Variants in VAV1 observed in about 807,000 individuals in gnomAD.
VAV1 encodes the protein vav guanine nucleotide exchange factor 1.
Under a neutral mutation model 128.1 loss-of-function variants are expected in VAV1, and 33 were observed. That is an observed-to-expected ratio of 0.26 (90% confidence interval 0.20 to 0.34). The LOEUF (loss-of-function observed/expected upper bound fraction) is 0.34, where lower values mean the gene tolerates loss of function less well. Ranked by LOEUF, VAV1 falls within the 10% of genes least tolerant of loss-of-function variation. The pLI is 1.00. For missense variants in VAV1, 715 were observed against 1,093.7 expected (o/e 0.65, Z 4.88); for synonymous variants, 394 against 409.8 (o/e 0.96, Z 0.47).
intron 1 of VAV1, chr19:6,784,236 A>C: frequency 1.5e-6 from 1 of 654,212 alleles, no homozygotes. Flanking sequence ...CAGACTGGAC[A>C]AAAGAGTAAG....
intron 22 of VAV1, among the ~76,000 whole-genome samples, chr19:6,844,087 T>C (rs1972456426): frequency 1.7e-5 from 2 of 117,596 alleles, no homozygotes; most frequent in African/African-American, 3.7e-5. Context: ...TTTTTTTTTT[T>C]TTTTTTTTTT....
chr19:6,802,047 C>A lies in VAV1; in HGVS notation c.205-18655C>A, dbSNP rs187269960. 4.6e-5 allele frequency among the ~76,000 whole-genome samples: 7 copies of A among 151,944 alleles called. No individual in the cohort carries two copies. In the East Asian group the frequency reaches 1.4e-3, roughly 29 times the overall value. ...AACCGTCCTCATAATGCCTCTCCTA[C>A]GTTTGTTTAAAGGACCATCATTCTC... On this transcript the variant is annotated intron_variant, in intron 1 of 26. Coordinates refer to ENST00000602142, the MANE Select transcript of VAV1 (RefSeq NM_005428.4).
intron 24 of VAV1, among the ~76,000 whole-genome samples, chr19:6,851,907 A>G (rs998012068): frequency 6.6e-6 from 1 of 151,982 alleles, no homozygotes; most frequent in African/African-American, 2.4e-5. Context: ...TTTTTCCTCC[A>G]TACTTTTTAT....
At position 6,850,723 on chromosome 19, in the gene VAV1, G is replaced by T. The variant is rs761409372; in HGVS notation, c.2183G>T (p.Arg728Leu). Residue 728 changes from arginine (R) to leucine (L), a missense_variant, in exon 24 of 27, where the codon CGG becomes CTG. Physicochemically the swap from Arg to Leu is moderately radical, Grantham distance 102. Around this residue, in one of 3 missense-constraint regions of VAV1, gnomAD observed 407 missense variants for 580.6 expected, o/e 0.70. Transcript: ENST00000602142. ...IKIMTAEGLY[R>L]ITEKKAFRGL... ...ATCATGACAGCAGAAGGACTGTACC[G>T]GATCACAGAGAAAAAGGCTTTCCGG... The T allele has an allele frequency of 1.9e-6, 3 of 1,614,006 alleles. No homozygotes were observed. The Admixed American group carries it at 5.0e-5, about 27-fold the overall frequency.
At position 6,828,176 on chromosome 19, in the gene VAV1, C is replaced by G. The variant is rs373685773; in HGVS notation, c.1023+5C>G. 9 of 1,613,924 alleles carry G rather than the reference C, an allele frequency of 5.6e-6. No homozygotes were observed. The highest frequency in any genetic ancestry group is 6.8e-6 in the Non-Finnish European group (8 of 1,179,968). ...AAATATCACCTCCTTCTCCAGGTGCCAGGCACATCTCTAGGCGTGGGCTCC... is the reference window on the plus strand; with the variant it reads ...AAATATCACCTCCTTCTCCAGGTGCGAGGCACATCTCTAGGCGTGGGCTCC... On this transcript the variant is annotated splice_donor_5th_base_variant and intron_variant, in intron 10 of 26. Transcript: ENST00000602142. The surrounding 1 kb of genome is among the most constrained non-coding windows in gnomAD (Gnocchi z 4.5).
rs377474727 is a variant in VAV1 at position 6,806,634 on chromosome 19, T to C, written c.205-14068T>C. On this transcript the variant is annotated intron_variant, in intron 1 of 26. Coordinates refer to ENST00000602142, the MANE Select transcript of VAV1 (RefSeq NM_005428.4). ...ACCAACACAGCGGAGAGTAAATCAC[T>C]GTCCCAGAAGCTGGAGCTTAAGATC... Among the ~76,000 whole-genome samples the C allele has an allele frequency of 1.2e-4, 18 of 152,278 alleles. 1 individual carries two copies. The highest frequency in any genetic ancestry group is 4.1e-4 in the South Asian group (2 of 4,824).
intron 1 of VAV1, among the ~76,000 whole-genome samples, chr19:6,778,734 A>AAAC (rs1970697707): frequency 6.6e-6 from 1 of 151,958 alleles, no homozygotes; most frequent in Non-Finnish European, 1.5e-5. Flanking sequence ...TCAAAAAACA[A>AAAC]AACAAAACAA....
Position 6,854,037 on chromosome 19 carries a change from T to A in VAV1, c.2423T>A (p.Ile808Asn), listed in dbSNP as rs756992113. ...GAGCTGTCGCTCAAGGAGGGTGACATCATCAAGATCCTTAACAAGAAGGGA... is the reference window on the plus strand; with the variant it reads ...GAGCTGTCGCTCAAGGAGGGTGACAACATCAAGATCCTTAACAAGAAGGGA... Reference protein sequence around the residue: ...RSELSLKEGDIIKILNKKGQQ... With the variant: ...RSELSLKEGDNIKILNKKGQQ... Residue 808 changes from isoleucine (I) to asparagine (N), a missense_variant, in exon 26 of 27, where the codon ATC becomes AAC. By Grantham distance (149) the Ile-to-Asn change is moderately radical. Transcript: ENST00000602142. 1 of 1,613,646 alleles carries A rather than the reference T, an allele frequency of 6.2e-7. No individual in the cohort carries two copies. The highest frequency in any genetic ancestry group is 1.1e-5 in the South Asian group (1 of 91,036).
Position 6,826,543 on chromosome 19 carries a change from G to A in VAV1, c.828-69G>A. 8.0e-7 allele frequency: 1 copy of A among 1,243,664 alleles called. No homozygotes were observed. The highest frequency in any genetic ancestry group is 2.5e-5 in the East Asian group (1 of 39,408). The allele number at this position is 1,243,664 out of a possible 1,614,324, so 77.0% of individuals were successfully genotyped here. A position where few individuals can be genotyped will look rare whatever the true frequency, so the allele number is the denominator to read the frequency against. On this transcript the variant is annotated intron_variant, in intron 8 of 26. Coordinates refer to ENST00000602142, the MANE Select transcript of VAV1 (RefSeq NM_005428.4). The surrounding 1 kb of genome is among the most constrained non-coding windows in gnomAD (Gnocchi z 4.1). ...TCCAGCGGGGAAGAGCAAGGCCAGG[G>A]CTGACGCCAGCCTCTGCCCGACCTT...
chr19:6,816,084 A>G (rs892463038), intron 1 of VAV1, among the ~76,000 whole-genome samples: 9 of 150,022 alleles, frequency 6.0e-5, no homozygotes, highest in Admixed American at 6.0e-4. Context: ...CAGTGGCGCA[A>G]TCTCGGCTCA....
At chr19:6,835,762 T>G (rs1972206640) in intron 19 of VAV1, 1 of 152,276 alleles carries the variant, frequency 6.6e-6, no homozygotes, top group Admixed American at 6.5e-5. Flanking sequence ...GATATCACAA[T>G]TTGTTTATTG....
intron 1 of VAV1, among the ~76,000 whole-genome samples, chr19:6,819,641 G>A (rs1971740840): frequency 6.6e-6 from 1 of 152,170 alleles, no homozygotes; most frequent in Non-Finnish European, 1.5e-5. Flanking sequence ...TTTGGAAGAT[G>A]GATTTTAACC....
chr19:6,853,817 C>T, intron 25 of VAV1, 130 bp from the exon 26 acceptor site: 1 of 1,189,416 alleles, frequency 8.4e-7, no homozygotes, highest in Non-Finnish European at 1.2e-6. Flanking sequence ...TACAGGGCAT[C>T]TAATACTCTG....
chr19:6,840,462 C>G (rs190828054), intron 21 of VAV1, among the ~76,000 whole-genome samples: 1 of 149,970 alleles, frequency 6.7e-6, no homozygotes, highest in African/African-American at 2.5e-5. Flanking sequence ...CTTGCCACCA[C>G]GCCTGGCTAA....
chr19:6,791,292 C>A (rs61643980), intron 1 of VAV1, among the ~76,000 whole-genome samples: 1 of 152,078 alleles, frequency 6.6e-6, no homozygotes, highest in East Asian at 1.9e-4. Flanking sequence ...CCTTGAGATA[C>A]CTCCTCATCT....
At position 6,838,376 on chromosome 19, in the gene VAV1, C is replaced by T. The variant is rs187655045; in HGVS notation, c.1980+1326C>T. Among the ~76,000 whole-genome samples, 84 of 148,426 alleles carry T rather than the reference C, an allele frequency of 5.7e-4. No individual in the cohort carries two copies. The Admixed American group carries it at 5.8e-3, about 10-fold the overall frequency. On this transcript the variant is annotated intron_variant, in intron 21 of 26. Coordinates refer to ENST00000602142, the MANE Select transcript of VAV1 (RefSeq NM_005428.4). Reference sequence around the variant, plus strand: ...GTACCTACCCATCAATCCATCCATTCATCAATCAGTTCTTCTATCCATCCA... The same window carrying T: ...GTACCTACCCATCAATCCATCCATTTATCAATCAGTTCTTCTATCCATCCA...
At chr19:6,800,524 C>T (rs1018145935) in intron 1 of VAV1, among the ~76,000 whole-genome samples, 2 of 152,106 alleles carry the variant, frequency 1.3e-5, no homozygotes, top group African/African-American at 4.8e-5. Context: ...TGGCCAGGCG[C>T]GTCTCAAACT....
intron 1 of VAV1, among the ~76,000 whole-genome samples, chr19:6,800,316 T>TC (rs1255776178): frequency 4.6e-4 from 2 of 4,334 alleles, no homozygotes; most frequent in African/African-American, 1.0e-3. Context: ...ATCTGTCTCA[T>TC]TTTTTTTTTT....
chr19:6,825,193 G>T, intron 7 of VAV1, 72 bp downstream of exon 7: 1 of 1,580,656 alleles, frequency 6.3e-7, no homozygotes, highest in Non-Finnish European at 8.6e-7. Flanking sequence ...CCTCTCCCTG[G>T]AGTACGGGGG....
Sources: gnomAD v4.1 joint callset for allele counts (sites outside exome capture counted in the v4.1 genomes callset) on GRCh38, gnomAD v4.1.1 for gene constraint, gnomAD v4.1.1 regional missense constraint, Gnocchi (gnomAD v3.1) non-coding constraint, MANE v1.5 for transcripts, NCBI Gene and HGNC (gene_info 2026-07-23, HGNC 2026-07-21) for gene names.